Variants in DLGAP1 observed in about 807,000 individuals in gnomAD.
The protein encoded by DLGAP1 is DLG associated protein 1, also known as disks large-associated protein 1.
Under a neutral mutation model 90.8 loss-of-function variants are expected in DLGAP1, and 11 were observed. The ratio of observed to expected loss-of-function variants is 0.12; its 90% confidence interval spans 0.08 to 0.20. The LOEUF (loss-of-function observed/expected upper bound fraction) is 0.20. Ranked by LOEUF, DLGAP1 falls within the 10% of genes least tolerant of loss-of-function variation. DLGAP1 has a pLI of 1.00. For synonymous variants in DLGAP1, 558 were observed against 540.7 expected, an observed-to-expected ratio of 1.03 and a Z score of -0.44; for missense variants, 1,050 against 1,333.8, an observed-to-expected ratio of 0.79 and a Z score of 3.31.
intron 1 of DLGAP1, among the ~76,000 whole-genome samples, chr18:4,444,958 G>C (rs555184816): frequency 6.6e-6 from 1 of 152,302 alleles, no homozygotes; most frequent in Non-Finnish European, 1.5e-5. Context: ...AATCATGATA[G>C]TAGAATCTGG....
chr18:4,117,664 T>C lies in DLGAP1; in HGVS notation c.-159+33516A>G, dbSNP rs144152023. On this transcript the variant is annotated intron_variant, in intron 2 of 12. Coordinates refer to ENST00000315677, the MANE Select transcript of DLGAP1 (RefSeq NM_004746.4). ...GAGGCTGCTATTGCAATTTAAATAA[T>C]TATGTGTTTGCCTTCACATTTTGTG... Among the ~76,000 whole-genome samples, 518 of 152,326 alleles carry C rather than the reference T, an allele frequency of 3.4e-3. 1 individual carries two copies. The highest frequency in any genetic ancestry group is 0.012 in the African/African-American group (492 of 41,572).
intron 3 of DLGAP1, among the ~76,000 whole-genome samples, chr18:3,889,695 G>A (rs752097366): frequency 2.0e-5 from 3 of 152,148 alleles, no homozygotes; most frequent in Non-Finnish European, 4.4e-5. Context: ...CTGGACTCAG[G>A]GGCATCCATG....
intron 7 of DLGAP1, among the ~76,000 whole-genome samples, chr18:3,648,269 C>T (rs186613558): frequency 2.6e-5 from 4 of 152,174 alleles, no homozygotes; most frequent in African/African-American, 9.7e-5. Context: ...TGAAACCAAA[C>T]AAAACCCATA....
At chr18:3,608,333 A>C (rs2057423562) in intron 7 of DLGAP1, 1 of 129,838 alleles carries the variant, frequency 7.7e-6, no homozygotes, top group Non-Finnish European at 1.7e-5. Flanking sequence ...CAAAAAAAAA[A>C]AAAGATGAGC....
chr18:4,042,160 A>G (rs2074985144), intron 2 of DLGAP1, among the ~76,000 whole-genome samples: 1 of 152,306 alleles, frequency 6.6e-6, no homozygotes, highest in East Asian at 1.9e-4. Context: ...CCATAATACT[A>G]GATTGGACAG....
At chr18:3,646,919 C>T (rs1296838756) in intron 7 of DLGAP1, among the ~76,000 whole-genome samples, 1 of 151,634 alleles carries the variant, frequency 6.6e-6, no homozygotes, top group Non-Finnish European at 1.5e-5. Context: ...GGCGAGACTC[C>T]ATCTCAAAAT....
chr18:4,048,464 G>T (rs917716481), intron 2 of DLGAP1, among the ~76,000 whole-genome samples: 23 of 152,116 alleles, frequency 1.5e-4, no homozygotes, highest in Non-Finnish European at 1.5e-4. Flanking sequence ...ATCTTTTTTG[G>T]TCAGAAGTGG....
At chr18:3,912,927 C>G (rs1270820454) in intron 3 of DLGAP1, among the ~76,000 whole-genome samples, 1 of 152,116 alleles carries the variant, frequency 6.6e-6, no homozygotes, top group East Asian at 1.9e-4. Context: ...CCTGCTCCAT[C>G]CAGAACCATA....
At chr18:4,388,960 A>G (rs1371633434) in intron 1 of DLGAP1, among the ~76,000 whole-genome samples, 2 of 152,154 alleles carry the variant, frequency 1.3e-5, no homozygotes, top group East Asian at 3.8e-4. Flanking sequence ...CAGTTCCTCA[A>G]AATATTAAAA....
intron 1 of DLGAP1, among the ~76,000 whole-genome samples, chr18:4,218,816 T>TATAC (rs1485795655): frequency 2.1e-5 from 2 of 95,566 alleles, no homozygotes; most frequent in Non-Finnish European, 4.2e-5. Flanking sequence ...AGAAAATGTG[T>TATAC]ATACATACAT....
chr18:4,171,897 G>A (rs2077032338), intron 1 of DLGAP1, among the ~76,000 whole-genome samples: 1 of 152,124 alleles, frequency 6.6e-6, no homozygotes, highest in South Asian at 2.1e-4. Flanking sequence ...ATTACAAACT[G>A]CGTCTTGTCC....
chr18:3,887,308 T>C (rs1387591906), intron 3 of DLGAP1, among the ~76,000 whole-genome samples: 1 of 152,224 alleles, frequency 6.6e-6, no homozygotes, highest in Admixed American at 6.5e-5. Flanking sequence ...CATGAGACCC[T>C]TGGTGAAGCT....
intron 5 of DLGAP1, among the ~76,000 whole-genome samples, chr18:3,807,495 A>T (rs1175238630): frequency 4.6e-5 from 7 of 152,188 alleles, no homozygotes; most frequent in Admixed American, 3.9e-4. Context: ...GCATGCATAG[A>T]GTTCTGATGA....
intron 1 of DLGAP1, among the ~76,000 whole-genome samples, chr18:4,434,862 CAGAG>C (rs1439546111): frequency 6.6e-6 from 1 of 152,194 alleles, no homozygotes; most frequent in African/African-American, 2.4e-5. Flanking sequence ...AGCGGGAAGA[CAGAG>C]AGAGAAACAT....
At chr18:4,041,514 T>C (rs1485212843) in intron 2 of DLGAP1, among the ~76,000 whole-genome samples, 1 of 152,234 alleles carries the variant, frequency 6.6e-6, no homozygotes, top group Non-Finnish European at 1.5e-5. Flanking sequence ...CTGACCTATT[T>C]CTAACTTAAA....
At chr18:4,007,432 A>G (rs1004500338) in intron 2 of DLGAP1, among the ~76,000 whole-genome samples, 5 of 152,154 alleles carry the variant, frequency 3.3e-5, no homozygotes, top group Admixed American at 3.3e-4. Flanking sequence ...AGGCCGGCAG[A>G]TTACCTGAGG....
intron 8 of DLGAP1, among the ~76,000 whole-genome samples, chr18:3,575,736 G>T (rs1229450624): frequency 6.6e-6 from 1 of 152,052 alleles, no homozygotes; most frequent in Non-Finnish European, 1.5e-5. Context: ...TTTTAGTTTA[G>T]ACATACAACT....
rs374758993 is a variant in DLGAP1, at chr18:3,600,985, TAG to T, written c.1592-18739_1592-18738del. Among the ~76,000 whole-genome samples, 47 of 67,312 alleles carry T rather than the reference TAG, an allele frequency of 7.0e-4. 4 individuals carry two copies. Among genetic ancestry groups the T allele is most frequent in the South Asian group, 3.2e-3 (7 of 2,216 alleles). The allele number at this position is 67,312 out of a possible 152,430, so 44.2% of individuals were successfully genotyped here. On this transcript the variant is annotated intron_variant, in intron 7 of 12. Coordinates refer to ENST00000315677, the MANE Select transcript of DLGAP1 (RefSeq NM_004746.4). ...AGATATATAGATAGATATATAGATA[TAG>T]ATATATAGATATATAGATATAGATA... is the stretch of plus-strand genomic sequence containing the variant.
intron 2 of DLGAP1, among the ~76,000 whole-genome samples, chr18:4,019,359 T>G (rs2080623334): frequency 6.6e-6 from 1 of 152,208 alleles, no homozygotes; most frequent in Non-Finnish European, 1.5e-5. Flanking sequence ...ATTCTGACAC[T>G]TAACCTATAA....
Sources: gnomAD v4.1 joint callset for allele counts (sites outside exome capture counted in the v4.1 genomes callset) on GRCh38, gnomAD v4.1.1 for gene constraint, MANE v1.5 for transcripts, NCBI Gene and HGNC (gene_info 2026-07-23, HGNC 2026-07-21) for gene names.